Variants in MLXIPL observed in about 807,000 individuals in gnomAD.
MLXIPL encodes the protein carbohydrate-responsive element-binding protein.
Under a neutral mutation model 81.5 loss-of-function variants are expected in MLXIPL, and 49 were observed. The observed-to-expected ratio is 0.60, with a 90% CI of 0.48 to 0.76. The LOEUF is 0.76. Among genes scored for constraint, MLXIPL ranks in the 30% least tolerant of loss-of-function variants. MLXIPL has a pLI of 0.00. For missense variants in MLXIPL, 1,053 were observed against 1,167.0 expected, an observed-to-expected ratio of 0.90 and a Z score of 1.42; for synonymous variants, 466 against 485.5, an observed-to-expected ratio of 0.96 and a Z score of 0.53.
intron 2 of MLXIPL, among the ~76,000 whole-genome samples, 200 bp from the exon 3 acceptor site, chr7:73,607,872 T>TTTTTTTTTTTG (rs1554598885): frequency 1.3e-5 from 2 of 148,856 alleles, no homozygotes; most frequent in Non-Finnish European, 3.0e-5. Context: ...TTTTTTTTTT[T>TTTTTTTTTTTG]GGAGATAGGG....
intron 7 of MLXIPL, among the ~76,000 whole-genome samples, chr7:73,603,167 A>G (rs374983856): frequency 6.6e-6 from 1 of 151,664 alleles, no homozygotes; most frequent in South Asian, 2.1e-4. Flanking sequence ...CCCCAGTGGG[A>G]GGCTCTTGGG....
At chr7:73,619,312 T>A (rs1431904766) in intron 1 of MLXIPL, among the ~76,000 whole-genome samples, 1 of 151,808 alleles carries the variant, frequency 6.6e-6, no homozygotes, top group Non-Finnish European at 1.5e-5. Flanking sequence ...AATACAAAAA[T>A]TAGCCGGACG....
At chr7:73,617,911 A>G (rs1796096015) in intron 1 of MLXIPL, among the ~76,000 whole-genome samples, 1 of 152,174 alleles carries the variant, frequency 6.6e-6, no homozygotes. Flanking sequence ...GCACAGGCCA[A>G]GTCTTCTGCC....
intron 2 of MLXIPL, among the ~76,000 whole-genome samples, chr7:73,608,045 C>T (rs1434762001): frequency 2.0e-5 from 3 of 151,390 alleles, no homozygotes; most frequent in Non-Finnish European, 4.4e-5. Context: ...TTAGTAGAGA[C>T]GGGGTTTCAC....
intron 1 of MLXIPL, among the ~76,000 whole-genome samples, chr7:73,620,555 A>G (rs1554601723): frequency 2.7e-5 from 4 of 145,692 alleles, no homozygotes; most frequent in Non-Finnish European, 6.0e-5. Context: ...CCTGGCCAAC[A>G]TGGTGAAACT....
the MLXIPL span, among the ~76,000 whole-genome samples, chr7:73,639,720 G>A: frequency 6.6e-6 from 1 of 152,120 alleles, no homozygotes; most frequent in African/African-American, 2.4e-5. Context: ...ATTATTATAG[G>A]TGTAGGAATA....
intron 7 of MLXIPL, among the ~76,000 whole-genome samples, chr7:73,604,592 A>T (rs1291360097): frequency 6.6e-6 from 1 of 152,040 alleles, no homozygotes; most frequent in Non-Finnish European, 1.5e-5. Context: ...TTAAATTAAA[A>T]TAAAATAAAA....
At chr7:73,631,558 CTTTTT>C in the MLXIPL span, among the ~76,000 whole-genome samples, 16 of 69,666 alleles carry the variant, frequency 2.3e-4, no homozygotes, top group African/African-American at 6.8e-4. Context: ...GATGTTGCTA[CTTTTT>C]TTTTTTTTTT....
chr7:73,638,811 C>T, the MLXIPL span, among the ~76,000 whole-genome samples: 1 of 151,942 alleles, frequency 6.6e-6, no homozygotes, highest in Non-Finnish European at 1.5e-5. Flanking sequence ...TTAGTAGAGA[C>T]AGGGTTTCAC....
the MLXIPL span, among the ~76,000 whole-genome samples, chr7:73,636,766 T>TA: frequency 0.071 from 10,803 of 151,630 alleles, 465 homozygotes; most frequent in Middle Eastern, 0.12. Flanking sequence ...TTATATCAAT[T>TA]AAAAAAAAAT....
intron 7 of MLXIPL, among the ~76,000 whole-genome samples, chr7:73,601,430 T>C (rs1053864000): frequency 5.9e-5 from 9 of 151,958 alleles, no homozygotes; most frequent in African/African-American, 2.2e-4. Flanking sequence ...CAGGCTTAGC[T>C]CAGGAAGTCC....
chr7:73,607,704 A>C (rs1419569687), intron 2 of MLXIPL, 32 bp from the exon 3 acceptor site: 1 of 1,592,064 alleles, frequency 6.3e-7, no homozygotes. Context: ...AGGGGCACCC[A>C]GCTTCCTCAT....
upstream of MLXIPL, among the ~76,000 whole-genome samples, chr7:73,625,593 C>A (rs186114518): frequency 6.6e-6 from 1 of 152,082 alleles, no homozygotes; most frequent in Non-Finnish European, 1.5e-5. Context: ...CCCTTCTCTA[C>A]TAAAAATACA....
At position 73,595,985 on chromosome 7, in the gene MLXIPL, G is replaced by C; in HGVS notation, c.2059-16C>G. ...CTTTGCTCACCTGCAGACGCCACCA[G>C]GGGGGCTCAGGCAGGTGCTAGAGGC... On this transcript the variant is annotated splice_polypyrimidine_tract_variant and intron_variant, in intron 13 of 16. Coordinates refer to ENST00000313375, the MANE Select transcript of MLXIPL (RefSeq NM_032951.3). 6.2e-7 allele frequency: 1 copy of C among 1,611,724 alleles called. No homozygotes were observed. Among genetic ancestry groups the C allele is most frequent in the Non-Finnish European group, 8.5e-7 (1 of 1,179,908 alleles).
chr7:73,630,843 G>A, the MLXIPL span, among the ~76,000 whole-genome samples: 1 of 152,130 alleles, frequency 6.6e-6, no homozygotes. Context: ...TACTAGCATT[G>A]AGCATCTCCC....
rs549627020 is a variant in MLXIPL at position 73,624,049 on chromosome 7, AG to A, written c.293+150del. 187 of 1,092,324 alleles carry A rather than the reference AG, an allele frequency of 1.7e-4. No homozygotes were observed. The African/African-American group carries it at 3.0e-3, about 17-fold the overall frequency. 67.7% of individuals were successfully genotyped at this position (1,092,324 alleles called of 1,614,324 possible). ...TAGGAGGACCTCGGGGCTGGGAGAA[AG>A]GGGGTGTCCAGGGCGTGATCGGAGC... On this transcript the variant is annotated intron_variant, in intron 1 of 16. Coordinates refer to ENST00000313375, the MANE Select transcript of MLXIPL (RefSeq NM_032951.3).
chr7:73,621,782 T>C, intron 1 of MLXIPL, among the ~76,000 whole-genome samples: 1 of 80,288 alleles, frequency 1.2e-5, no homozygotes, highest in East Asian at 4.8e-4. Flanking sequence ...TCTCCCTTCC[T>C]CCCTCCCTCC....
intron 7 of MLXIPL, among the ~76,000 whole-genome samples, chr7:73,601,535 C>T (rs536933284): frequency 3.3e-5 from 5 of 151,852 alleles, no homozygotes; most frequent in Admixed American, 6.6e-5. Context: ...GGGTGCAGGG[C>T]GAGGGGAGGA....
chr7:73,606,190 A>G (rs979244043), intron 5 of MLXIPL, 79 bp from the exon 6 acceptor site: 1 of 1,409,192 alleles, frequency 7.1e-7, no homozygotes, highest in Non-Finnish European at 9.8e-7. Context: ...TCCAGGGTCA[A>G]GTGGTCAGCA....
Sources: gnomAD v4.1 joint callset for allele counts (sites outside exome capture counted in the v4.1 genomes callset) on GRCh38, gnomAD v4.1.1 for gene constraint, MANE v1.5 for transcripts, NCBI Gene and HGNC (gene_info 2026-07-23, HGNC 2026-07-21) for gene names.